APP: variants seen among roughly 807,000 people sequenced by gnomAD.
APP encodes the protein amyloid-beta precursor protein.
Under a neutral mutation model 101.4 loss-of-function variants are expected in APP, and 31 were observed. The ratio of observed to expected loss-of-function variants is 0.31; its 90% confidence interval spans 0.23 to 0.41. The LOEUF (loss-of-function observed/expected upper bound fraction) is 0.41. APP is among the 10% of genes least tolerant of loss of function. The pLI, the probability that APP is intolerant of heterozygous loss-of-function variation, is 1.00. For missense variants in APP, 839 were observed against 1,003.7 expected, an observed-to-expected ratio of 0.84 and a Z score of 2.22; for synonymous variants, 366 against 364.4, an observed-to-expected ratio of 1.00 and a Z score of -0.05.
At chr21:26,011,054 T>C (rs1425025402) in intron 6 of APP, among the ~76,000 whole-genome samples, 2 of 151,664 alleles carry the variant, frequency 1.3e-5, no homozygotes, top group African/African-American at 4.8e-5. Flanking sequence ...TGCACGGGTA[T>C]TTCTCTGTTC....
chr21:26,131,887 C>A (rs150404692), intron 1 of APP, among the ~76,000 whole-genome samples: 3 of 151,206 alleles, frequency 2.0e-5, no homozygotes, highest in African/African-American at 7.3e-5. Flanking sequence ...CTACTGGAAT[C>A]GTGATAGTTG....
intron 2 of APP, among the ~76,000 whole-genome samples, chr21:26,106,491 G>A (rs553975061): frequency 9.5e-4 from 144 of 152,120 alleles, no homozygotes; most frequent in African/African-American, 3.3e-3. Context: ...CAAGACCCAG[G>A]CAATCACATA....
chr21:26,083,389 G>C lies in APP; in HGVS notation c.355+6554C>G, dbSNP rs530217530. Among the ~76,000 whole-genome samples, 7 of 152,272 alleles carry C rather than the reference G, an allele frequency of 4.6e-5. No individual in the cohort carries two copies. The South Asian group carries it at 1.5e-3, about 32-fold the overall frequency. ...AAGAATATTTAATTTCACAGGTAGAGTATTCTAAAAATGTTAGGTGTAAAA... is the reference window on the plus strand; with the variant it reads ...AAGAATATTTAATTTCACAGGTAGACTATTCTAAAAATGTTAGGTGTAAAA... On this transcript the variant is annotated intron_variant, in intron 3 of 17. Transcript: ENST00000346798.
At chr21:26,116,320 G>T (rs573378771) in intron 1 of APP, among the ~76,000 whole-genome samples, 1 of 152,274 alleles carries the variant, frequency 6.6e-6, no homozygotes, top group African/African-American at 2.4e-5. Flanking sequence ...AAAGAATACT[G>T]AAGTGAAATG....
At chr21:25,998,081 C>T (rs2070656) in intron 7 of APP, among the ~76,000 whole-genome samples, 8,659 of 152,234 alleles carry the variant, frequency 0.057, 331 homozygotes, top group South Asian at 0.093. Flanking sequence ...GAATTTTAAT[C>T]TCTTGAAGCA....
intron 13 of APP, among the ~76,000 whole-genome samples, chr21:25,943,653 T>C (rs2040678338): frequency 1.3e-5 from 2 of 150,326 alleles, no homozygotes; most frequent in African/African-American, 2.5e-5. Context: ...TTTGCCATGT[T>C]GGCCAGGCTG....
At position 25,975,132 on chromosome 21, in the gene APP, T is replaced by C; in HGVS notation, c.1396A>G (p.Asn466Asp). 1 of 1,614,036 alleles carries C rather than the reference T, an allele frequency of 6.2e-7. No homozygotes were observed. The highest frequency in any genetic ancestry group is 8.5e-7 in the Non-Finnish European group (1 of 1,179,988). ...THMARVEAML[N>D]DRRRLALENY... is the part of the protein sequence containing the mutation. ...TCCAGGGCCAGGCGGCGGCGGTCAT[T>C]GAGCATGGCTTCCACTCTGGCCATG... Residue 466 changes from asparagine to aspartate, a missense_variant, in exon 11 of 18, where the codon AAT (asparagine) becomes GAT (aspartate). Coordinates refer to ENST00000346798, the MANE Select transcript of APP (RefSeq NM_000484.4).
rs754150568 is a variant in APP at position 26,021,980 on chromosome 21, G to GCTT, written c.722_724dup (p.Glu241dup). 1.3e-5 allele frequency: 21 copies of GCTT among 1,613,682 alleles called. No homozygotes were observed. In the African/African-American group the frequency reaches 1.9e-4, roughly 14 times the overall value. Reference sequence around the variant, plus strand: ...ATCCTCATCGTCCTCGTCATCATCGGCTTCTTCTTCTTCCACCTCAGCCAC... The same window carrying GCTT: ...ATCCTCATCGTCCTCGTCATCATCGGCTTCTTCTTCTTCTTCCACCTCAGCCAC... On this transcript the variant is annotated inframe_insertion, in exon 6 of 18. Coordinates refer to ENST00000346798, the MANE Select transcript of APP (RefSeq NM_000484.4).
chr21:25,925,895 CAACTGCACGCCATCCTGG>C (rs1229469206), intron 13 of APP, among the ~76,000 whole-genome samples: 1 of 152,172 alleles, frequency 6.6e-6, no homozygotes, highest in Non-Finnish European at 1.5e-5. Context: ...GAGATTGTGC[CAACTGCACGCCATCCTGG>C]GCAACAGAGC....
intron 3 of APP, 168 bp downstream of exon 3, chr21:26,089,775 A>G: frequency 1.1e-6 from 1 of 943,958 alleles, no homozygotes; most frequent in Non-Finnish European, 1.6e-6. Flanking sequence ...CTGCTCCTAT[A>G]GGGTCAGTGC....
At chr21:25,941,388 T>G (rs1207042705) in intron 13 of APP, 1 of 152,254 alleles carries the variant, frequency 6.6e-6, no homozygotes, top group Non-Finnish European at 1.5e-5. Context: ...ATTACTCTGT[T>G]GCAACAATAT....
chr21:26,140,183 T>C (rs925374467), intron 1 of APP: 4 of 1,535,984 alleles, frequency 2.6e-6, no homozygotes, highest in African/African-American at 1.4e-5. Flanking sequence ...ACAAGTCCTC[T>C]AATTGGTCCA....
intron 13 of APP, among the ~76,000 whole-genome samples, chr21:25,918,748 T>C (rs902619991): frequency 8.0e-4 from 120 of 150,940 alleles, no homozygotes; most frequent in Non-Finnish European, 1.4e-3. Flanking sequence ...GGAATCGCGC[T>C]GATTGCTAGC....
At chr21:26,019,010 T>C (rs886466512) in intron 6 of APP, among the ~76,000 whole-genome samples, 4 of 152,220 alleles carry the variant, frequency 2.6e-5, no homozygotes, top group Non-Finnish European at 4.4e-5. Flanking sequence ...GACCAATTTA[T>C]CTCAAGCAAA....
chr21:26,092,387 A>C (rs1371443614), intron 2 of APP, among the ~76,000 whole-genome samples: 4 of 152,196 alleles, frequency 2.6e-5, no homozygotes, highest in Non-Finnish European at 2.9e-5. Flanking sequence ...GAACTTAACT[A>C]ATATTGCTAA....
chr21:25,984,939 C>T (rs1173303806), intron 8 of APP, among the ~76,000 whole-genome samples: 1 of 152,134 alleles, frequency 6.6e-6, no homozygotes, highest in Non-Finnish European at 1.5e-5. Context: ...ATAAGCACCC[C>T]TTTGGAAAAC....
intron 1 of APP, among the ~76,000 whole-genome samples, chr21:26,127,797 A>C (rs1475946838): frequency 6.6e-6 from 1 of 152,266 alleles, no homozygotes; most frequent in East Asian, 1.9e-4. Flanking sequence ...ATTAAAATGC[A>C]GTAATATACA....
chr21:26,019,275 A>G (rs905831928), intron 6 of APP, among the ~76,000 whole-genome samples: 2 of 152,238 alleles, frequency 1.3e-5, no homozygotes, highest in African/African-American at 4.8e-5. Context: ...AACCTAAAAG[A>G]CATCTGCTCT....
At chr21:25,894,750 G>A (rs1297224970) in intron 16 of APP, among the ~76,000 whole-genome samples, 1 of 152,178 alleles carries the variant, frequency 6.6e-6, no homozygotes, top group Non-Finnish European at 1.5e-5. Context: ...TGACAACAAA[G>A]GATTTAGGAT....
Sources: allele counts gnomAD v4.1 joint callset (sites outside exome capture counted in the v4.1 genomes callset), GRCh38; gene constraint gnomAD v4.1.1; transcripts MANE v1.5; gene names NCBI Gene and HGNC (gene_info 2026-07-23, HGNC 2026-07-21).